Variants in PCDH11Y observed in about 807,000 individuals in gnomAD.
PCDH11Y encodes protocadherin 11 Y-linked.
For missense variants in PCDH11Y, 12 were observed against 224.8 expected, an observed-to-expected ratio of 0.05 and a Z score of 6.05; for synonymous variants, 9 against 83.6, an observed-to-expected ratio of 0.11 and a Z score of 4.87.
chrY:5,511,958 G>A (rs2053365787), intron 3 of PCDH11Y, among the ~76,000 whole-genome samples: 1 of 32,314 alleles, frequency 3.1e-5, no homozygotes, highest in African/African-American at 1.2e-4. Context: ...TAAATAACTC[G>A]TTATGAAGAG....
At chrY:5,056,731 A>G in exon 1 of PCDH11Y, 1 of 376,426 alleles carries the variant, frequency 2.7e-6, no homozygotes, top group Non-Finnish European at 3.7e-6. Context: ...ATAATATTTG[A>G]TTCAGAACAG....
At chrY:5,670,730 G>A in intron 4 of PCDH11Y, among the ~76,000 whole-genome samples, 4 of 31,099 alleles carry the variant, frequency 1.3e-4, no homozygotes, top group Admixed American at 1.2e-3. Flanking sequence ...CCCCTTCTGT[G>A]GGTTGTCTCT....
intron 2 of PCDH11Y, among the ~76,000 whole-genome samples, chrY:5,427,569 CAGTT>C (rs2124680168): frequency 3.0e-5 from 1 of 33,249 alleles, no homozygotes; most frequent in South Asian, 6.7e-4. Context: ...AAAAGTCACA[CAGTT>C]AGTCAATGAC....
In PCDH11Y at chrY:5,306,668, T is replaced by C. The variant is rs377639441; in HGVS notation, c.3130-194389T>C. Among the ~76,000 whole-genome samples, 142 of 33,444 alleles carry C rather than the reference T, an allele frequency of 4.2e-3. No individual in the cohort carries two copies. In the East Asian group the frequency reaches 0.094, roughly 22 times the overall value. The allele number at this position is 33,444 out of a possible 37,273, so 89.7% of individuals were successfully genotyped here. A position where few individuals can be genotyped will look rare whatever the true frequency, so the allele number is the denominator to read the frequency against. On this transcript the variant is annotated intron_variant, in intron 2 of 4. Coordinates refer to the PCDH11Y transcript ENST00000400457. ...TTTCAGTGATGTCACAAATCCATTA[T>C]GTGGCAAAGCCAAGACTGAAACCCA...
chrY:5,115,308 G>T, intron 2 of PCDH11Y, among the ~76,000 whole-genome samples: 3 of 28,578 alleles, frequency 1.0e-4, no homozygotes, highest in Non-Finnish European at 2.4e-4. Flanking sequence ...TATATGGCGA[G>T]AAAAAAAGAC....
exon 5 of PCDH11Y, chrY:5,738,386 G>A (rs2053613478): frequency 9.9e-5 from 4 of 40,429 alleles, no homozygotes; most frequent in South Asian, 6.4e-4. Flanking sequence ...AAAGGTATAC[G>A]TACTCTAGCC....
chrY:5,579,490 T>C (rs2053448985), intron 3 of PCDH11Y, among the ~76,000 whole-genome samples: 1 of 32,781 alleles, frequency 3.1e-5, no homozygotes, highest in East Asian at 7.8e-4. Flanking sequence ...AACTATCGTT[T>C]TTAAATTTAT....
intron 2 of PCDH11Y, among the ~76,000 whole-genome samples, chrY:5,310,483 C>A (rs2053098386): frequency 3.0e-5 from 1 of 33,141 alleles, no homozygotes; most frequent in Non-Finnish European, 7.4e-5. Flanking sequence ...TAATACATAC[C>A]AGATTTTGAT....
At chrY:5,503,297 T>C in intron 3 of PCDH11Y, among the ~76,000 whole-genome samples, 2 of 32,569 alleles carry the variant, frequency 6.1e-5, no homozygotes, top group African/African-American at 2.4e-4. Flanking sequence ...TTAAAAACTT[T>C]AGTTGCTCAA....
At chrY:5,620,800 C>T (rs2053498717) in intron 4 of PCDH11Y, among the ~76,000 whole-genome samples, 2 of 33,096 alleles carry the variant, frequency 6.0e-5, no homozygotes, top group African/African-American at 1.2e-4. Context: ...AAAAACCACA[C>T]GATCATTTCA....
intron 2 of PCDH11Y, among the ~76,000 whole-genome samples, chrY:5,457,701 T>C: frequency 3.0e-5 from 1 of 33,566 alleles, no homozygotes; most frequent in African/African-American, 1.2e-4. Context: ...TTATGTGAAA[T>C]GACTTTGCCT....
chrY:5,665,220 C>A, intron 4 of PCDH11Y, among the ~76,000 whole-genome samples: 1 of 33,363 alleles, frequency 3.0e-5, no homozygotes, highest in Non-Finnish European at 7.4e-5. Flanking sequence ...AAAATGTGAA[C>A]CCAATGATAA....
intron 2 of PCDH11Y, among the ~76,000 whole-genome samples, chrY:5,426,727 G>A: frequency 3.1e-5 from 1 of 32,562 alleles, no homozygotes; most frequent in Non-Finnish European, 7.6e-5. Context: ...TGGGAAAAAG[G>A]TTTTGACTAA....
intron 3 of PCDH11Y, among the ~76,000 whole-genome samples, chrY:5,578,407 T>C: frequency 3.0e-5 from 1 of 33,592 alleles, no homozygotes; most frequent in Non-Finnish European, 7.4e-5. Context: ...TGACCTTCAG[T>C]ATAAACTACT....
chrY:5,287,992 A>G (rs2053062437), intron 2 of PCDH11Y, among the ~76,000 whole-genome samples: 1 of 32,580 alleles, frequency 3.1e-5, no homozygotes, highest in African/African-American at 1.2e-4. Context: ...TTTTAGCTCT[A>G]TCTGATCAGC....
chrY:5,346,854 T>C, intron 2 of PCDH11Y, among the ~76,000 whole-genome samples: 1 of 33,068 alleles, frequency 3.0e-5, no homozygotes, highest in Non-Finnish European at 7.4e-5. Flanking sequence ...ATTATTCCTA[T>C]CCCTGAAATA....
chrY:5,387,170 T>A, intron 2 of PCDH11Y, among the ~76,000 whole-genome samples: 1 of 32,098 alleles, frequency 3.1e-5, no homozygotes, highest in Non-Finnish European at 7.6e-5. Flanking sequence ...GGATTACAGG[T>A]GTGCAACACC....
At chrY:5,593,256 G>A (rs1602947906) in intron 4 of PCDH11Y, among the ~76,000 whole-genome samples, 3 of 32,437 alleles carry the variant, frequency 9.2e-5, no homozygotes, top group African/African-American at 1.2e-4. Flanking sequence ...TTAGAAAGCC[G>A]ACCTGCAGAC....
intron 3 of PCDH11Y, among the ~76,000 whole-genome samples, chrY:5,530,856 G>T (rs2124691442): frequency 3.1e-5 from 1 of 32,628 alleles, no homozygotes; most frequent in Non-Finnish European, 7.6e-5. Context: ...ACTGTTATAG[G>T]CTATGAATAT....
Sources: allele counts gnomAD v4.1 joint callset (sites outside exome capture counted in the v4.1 genomes callset), GRCh38; gene constraint gnomAD v4.1.1; transcripts MANE v1.5; gene names NCBI Gene and HGNC (gene_info 2026-07-23, HGNC 2026-07-21).